DNAH5: variants seen among roughly 807,000 people sequenced by gnomAD.
DNAH5 encodes dynein axonemal heavy chain 5.
Under a neutral mutation model 518.2 loss-of-function variants are expected in DNAH5, and 372 were observed. The observed-to-expected ratio is 0.72, with a 90% CI of 0.66 to 0.78. DNAH5 has a LOEUF of 0.78. Among genes scored for constraint, DNAH5 ranks in the 30% least tolerant of loss-of-function variants. The probability of loss-of-function intolerance (pLI) is 0.00; values close to 1 mark genes in which losing one functional copy is unlikely to be tolerated. For synonymous variants in DNAH5, 2,039 were observed against 2,025.9 expected, an observed-to-expected ratio of 1.01 and a Z score of -0.17; for missense variants, 5,523 against 5,687.0, an observed-to-expected ratio of 0.97 and a Z score of 0.93.
chr5:13,717,590 T>A, intron 72 of DNAH5, 70 bp from the exon 73 acceptor site: 1 of 1,254,964 alleles, frequency 8.0e-7, no homozygotes, highest in Non-Finnish European at 1.1e-6. Flanking sequence ...CTTTTATAAG[T>A]AATCATTTTT....
chr5:13,718,779 C>A (rs979734213), intron 72 of DNAH5, 103 bp downstream of exon 72: 48 of 951,132 alleles, frequency 5.0e-5, no homozygotes, highest in Non-Finnish European at 6.5e-5. Flanking sequence ...AACAGTAGTA[C>A]TATTTGCTAT....
intron 58 of DNAH5, among the ~76,000 whole-genome samples, chr5:13,768,532 T>C (rs1350076382): frequency 1.3e-5 from 2 of 152,228 alleles, no homozygotes; most frequent in Admixed American, 6.5e-5. Flanking sequence ...CTCATTAATG[T>C]GCTACATCAG....
At chr5:13,705,494 T>G (rs1344308256) in intron 76 of DNAH5, among the ~76,000 whole-genome samples, 2 of 152,164 alleles carry the variant, frequency 1.3e-5, no homozygotes, top group Non-Finnish European at 2.9e-5. Flanking sequence ...TTAAAATAAG[T>G]CTTTAACAGT....
At chr5:13,928,244 A>C in intron 2 of DNAH5, 66 bp from the exon 3 acceptor site, 1 of 1,242,818 alleles carries the variant, frequency 8.0e-7, no homozygotes, top group South Asian at 1.2e-5. Context: ...TTAAATCAGC[A>C]TTAATAATAT....
chr5:13,825,829 A>T (rs1287312359), intron 38 of DNAH5, among the ~76,000 whole-genome samples: 1 of 152,234 alleles, frequency 6.6e-6, no homozygotes, highest in Non-Finnish European at 1.5e-5. Context: ...TTGTACACTA[A>T]AAATGGTTAA....
Position 13,700,710 on chromosome 5 carries a change from TTTCATGTTCCTCTTGTCCCAGCCAGCACC to T in DNAH5, c.13624_13652del (p.Gly4542ThrfsTer3), listed in dbSNP as rs1252410345. On this transcript the variant is annotated frameshift_variant, in exon 78 of 79. Coordinates refer to ENST00000265104, the MANE Select transcript of DNAH5 (RefSeq NM_001369.3). LOFTEE classifies it high-confidence loss of function. ...GCACTTTTGGCTTTGATTCAATGAG[TTTCATGTTCCTCTTGTCCCAGCCAGCACC>T]TTCAAGATATAAGCCATAGACATAG... is the stretch of plus-strand genomic sequence containing the variant. 6.2e-7 allele frequency: 1 copy of T among 1,614,056 alleles called. No homozygotes were observed. The highest frequency in any genetic ancestry group is 2.2e-5 in the East Asian group (1 of 44,858).
chr5:13,726,760 T>G (rs532694779), intron 70 of DNAH5, among the ~76,000 whole-genome samples: 14 of 152,332 alleles, frequency 9.2e-5, no homozygotes, highest in African/African-American at 3.4e-4. Context: ...TAACACTCCC[T>G]CTGGAGAATG....
At chr5:13,714,680 A>C in intron 74 of DNAH5, 60 bp from the exon 75 acceptor site, 4 of 1,548,652 alleles carry the variant, frequency 2.6e-6, no homozygotes, top group Non-Finnish European at 3.5e-6. Flanking sequence ...TCTAAATTAC[A>C]CTATTTTAGG....
rs373172723 is a variant in DNAH5 at position 13,913,860 on chromosome 5, G to A, written c.1419C>T (p.Phe473=). Residue 473 remains phenylalanine, a synonymous_variant, in exon 11 of 79, where the codon TTC becomes TTT. Transcript: ENST00000265104. Reference sequence around the variant, plus strand: ...TGGCAAGGCGTCGGTGAAAAGTTTCGAATTTTCCAAAAATATACATCTCGC... The same window carrying A: ...TGGCAAGGCGTCGGTGAAAAGTTTCAAATTTTCCAAAAATATACATCTCGC... ...DFSEMYIFGK[F]ETFHRRLAKI... 79 of 1,613,410 alleles carry A rather than the reference G, an allele frequency of 4.9e-5. No individual in the cohort carries two copies. Among genetic ancestry groups the A allele is most frequent in the South Asian group, 1.9e-4 (17 of 91,050 alleles).
chr5:13,768,792 T>C (rs1208209182), intron 58 of DNAH5, among the ~76,000 whole-genome samples, 168 bp downstream of exon 58: 1 of 152,190 alleles, frequency 6.6e-6, no homozygotes, highest in African/African-American at 2.4e-5. Flanking sequence ...AGGCAAAACC[T>C]ATAAAGAGCT....
intron 58 of DNAH5, among the ~76,000 whole-genome samples, chr5:13,768,747 T>C (rs1471531037): frequency 1.3e-5 from 2 of 152,124 alleles, no homozygotes; most frequent in Non-Finnish European, 1.5e-5. Context: ...TTGCCCAACA[T>C]TGATGAGTGA....
At chr5:13,831,855 C>T (rs1408464785) in intron 35 of DNAH5, among the ~76,000 whole-genome samples, 3 of 152,126 alleles carry the variant, frequency 2.0e-5, no homozygotes, top group African/African-American at 7.2e-5. Context: ...TCGTTTCATC[C>T]CCAGAGAACC....
intron 64 of DNAH5, 99 bp from the exon 65 acceptor site, chr5:13,751,359 T>C (rs1445200718): frequency 1.7e-6 from 2 of 1,170,292 alleles, no homozygotes; most frequent in South Asian, 1.4e-5. Context: ...AATTACATAA[T>C]TGGAGATCAT....
intron 1 of DNAH5, among the ~76,000 whole-genome samples, chr5:13,938,749 C>T (rs1170961980): frequency 6.6e-6 from 1 of 152,058 alleles, no homozygotes; most frequent in East Asian, 1.9e-4. Flanking sequence ...ACTGATTTCC[C>T]TTTGGCTGTC....
At chr5:13,836,448 G>T (rs1764411340) in intron 35 of DNAH5, among the ~76,000 whole-genome samples, 1 of 152,062 alleles carries the variant, frequency 6.6e-6, no homozygotes, top group African/African-American at 2.4e-5. Flanking sequence ...AGGTACAAAG[G>T]GACATCCAGA....
At position 13,751,238 on chromosome 5, in the gene DNAH5, ACTTC is replaced by A. The variant is rs1750178563; in HGVS notation, c.11047_11050del (p.Glu3683Ter). 1 of 1,613,572 alleles carries A rather than the reference ACTTC, an allele frequency of 6.2e-7. No individual in the cohort carries two copies. The highest frequency in any genetic ancestry group is 1.3e-5 in the African/African-American group (1 of 74,894). On this transcript the variant is annotated frameshift_variant, in exon 65 of 79. Transcript: ENST00000265104. LOFTEE classifies it high-confidence loss of function. ...GAGTCTAAAGCCATCCAACACATCT[ACTTC>A]CTTGTCACCAACTTTCACCTTTTTT...
At chr5:13,793,766 T>C in intron 48 of DNAH5, 38 bp from the exon 49 acceptor site, 1 of 1,601,744 alleles carries the variant, frequency 6.2e-7, no homozygotes, top group South Asian at 1.1e-5. Flanking sequence ...GCATCATTCC[T>C]TTCTATCCCC....
chr5:13,813,085 T>C (rs969605343), intron 43 of DNAH5, among the ~76,000 whole-genome samples: 1 of 152,180 alleles, frequency 6.6e-6, no homozygotes, highest in African/African-American at 2.4e-5. Context: ...CTAATAACTC[T>C]CAGAGCTGGC....
Position 13,721,205 on chromosome 5 carries a change from G to C in DNAH5, c.12074C>G (p.Ala4025Gly), listed in dbSNP as rs1287744811. The C allele has an allele frequency of 1.2e-6, 2 of 1,613,944 alleles. No homozygotes were observed. The highest frequency in any genetic ancestry group is 2.2e-5 in the South Asian group (2 of 91,078). Reference protein sequence around the residue: ...YIVDSMGEKYAEGVILDLEKT... With the variant: ...YIVDSMGEKYGEGVILDLEKT... ...CTCCAAGTCTAAAATAACACCTTCG[G>C]CATATTTTTCTCCCATGGAGTCCAC... Residue 4025 changes from alanine to glycine, a missense_variant, in exon 71 of 79, where the codon GCC (alanine) becomes GGC (glycine). By Grantham distance (60) the Ala-to-Gly change is moderately conservative. Transcript: ENST00000265104.
Sources: gnomAD v4.1 joint callset for allele counts (sites outside exome capture counted in the v4.1 genomes callset) on GRCh38, gnomAD v4.1.1 for gene constraint, MANE v1.5 for transcripts, NCBI Gene and HGNC (gene_info 2026-07-23, HGNC 2026-07-21) for gene names.